ZNF99: variants seen among roughly 807,000 people sequenced by gnomAD.
The protein encoded by ZNF99 is zinc finger protein 99.
ZNF99 carries 8 observed loss-of-function variants against 12.8 expected under a neutral mutation model. The ratio of observed to expected loss-of-function variants is 0.62; its 90% CI spans 0.37 to 1.13. The LOEUF (loss-of-function observed/expected upper bound fraction) is 1.13, where lower values mean the gene tolerates loss of function less well. Among genes scored for constraint, ZNF99 ranks in the 50% most tolerant of loss-of-function variants. ZNF99 has a pLI of 0.02. For synonymous variants in ZNF99, 318 were observed against 319.0 expected (o/e 1.00, Z 0.03); for missense variants, 1,007 against 1,006.2 (o/e 1.00, Z -0.01).
At chr19:22,759,899 C>A (rs1973131844) in intron 3 of ZNF99, among the ~76,000 whole-genome samples, 1 of 152,076 alleles carries the variant, frequency 6.6e-6, no homozygotes, top group South Asian at 2.1e-4. Context: ...GTGTAGAGTG[C>A]CCCAAGTAAG....
In ZNF99 at chr19:22,756,032, C is replaced by T. The variant is rs1973045706; in HGVS notation, c.*1282G>A. On this transcript the variant is annotated 3_prime_UTR_variant, in exon 4 of 4. Transcript: ENST00000596209. ...GTTAAAGGCTTTGCCACATTCTTTA[C>T]ATTTGTGGGGTTTCTCTCCAGCATG... The T allele has an allele frequency of 9.5e-7, 1 of 1,057,608 alleles. No individual in the cohort carries two copies. Among genetic ancestry groups the T allele is most frequent in the Non-Finnish European group, 1.3e-6 (1 of 741,290 alleles). 65.5% of individuals were successfully genotyped at this position (1,057,608 alleles called of 1,614,324 possible). A position where few individuals can be genotyped will look rare whatever the true frequency, so the allele number is the denominator to read the frequency against.
chr19:22,757,913 T>G lies in ZNF99; in HGVS notation c.1996A>C (p.Arg666=). The stretch of plus-strand genomic sequence containing the variant: ...TCTTCAGTATGAATTACTTTATGTC[T>G]AGTAAGGTGTGAGGACCACTTAAAA... The part of the protein sequence containing the change: ...KAFKWSSHLT[R]HKVIHTEEKP... Residue 666 remains arginine (R), a synonymous_variant, in exon 4 of 4, where the codon AGA becomes CGA. Transcript: ENST00000596209. The G allele has an allele frequency of 2.5e-6, 4 of 1,611,904 alleles. No individual in the cohort carries two copies. The highest frequency in any genetic ancestry group is 2.5e-6 in the Non-Finnish European group (3 of 1,178,904).
In ZNF99 at chr19:22,756,556, T is replaced by G; in HGVS notation, c.*758A>C. ...ACATTTGTAGGGTTTCTCTCCAGTATGAATTGATTTATGTTTAGTAAGGTG... is the reference window on the plus strand; with the variant it reads ...ACATTTGTAGGGTTTCTCTCCAGTAGGAATTGATTTATGTTTAGTAAGGTG... On this transcript the variant is annotated 3_prime_UTR_variant, in exon 4 of 4. Transcript: ENST00000596209. 1.3e-6 allele frequency: 2 copies of G among 1,597,992 alleles called. No individual in the cohort carries two copies. Among genetic ancestry groups the G allele is most frequent in the Non-Finnish European group, 1.7e-6 (2 of 1,174,706 alleles).
Position 22,757,951 on chromosome 19 carries a change from T to G in ZNF99, c.1958A>C (p.Glu653Ala). Residue 653 changes from glutamate (E) to alanine (A), a missense_variant, in exon 4 of 4, where the codon GAA becomes GCA. Coordinates refer to ENST00000596209, the MANE Select transcript of ZNF99 (RefSeq NM_001080409.3). ...GGACCACTTAAAAGCTTTACCACAT[T>G]CTTCACATTTGTAGGGTTTCTCTCC... ...HTGEKPYKCE[E>A]CGKAFKWSSH... 1.2e-6 allele frequency: 2 copies of G among 1,613,502 alleles called. No homozygotes were observed. The highest frequency in any genetic ancestry group is 1.7e-6 in the Non-Finnish European group (2 of 1,179,760).
chr19:22,767,509 C>A (rs903505409), intron 3 of ZNF99, among the ~76,000 whole-genome samples: 1 of 151,758 alleles, frequency 6.6e-6, no homozygotes, highest in African/African-American at 2.4e-5. Context: ...AGTACTAGTA[C>A]AAGAAAAAGA....
At chr19:22,769,796 A>G in intron 1 of ZNF99, 1 of 1,133,522 alleles carries the variant, frequency 8.8e-7, no homozygotes, top group South Asian at 1.5e-5. Context: ...AAAAAGAAAT[A>G]TTCTCTAATG....
intron 1 of ZNF99, among the ~76,000 whole-genome samples, chr19:22,772,005 C>T (rs1015511137): frequency 2.0e-5 from 3 of 151,428 alleles, no homozygotes; most frequent in Admixed American, 6.6e-5. Flanking sequence ...CGTGAGCCAC[C>T]GCGCCCAGCC....
chr19:22,770,149 A>G (rs1568386281), intron 1 of ZNF99, among the ~76,000 whole-genome samples: 1 of 152,198 alleles, frequency 6.6e-6, no homozygotes, highest in Non-Finnish European at 1.5e-5. Context: ...TTAAATATTC[A>G]GCAAGTGGAG....
intron 3 of ZNF99, among the ~76,000 whole-genome samples, chr19:22,765,682 T>TAA (rs34984456): frequency 2.7e-5 from 4 of 147,594 alleles, no homozygotes; most frequent in South Asian, 4.3e-4. Flanking sequence ...CTAGCACAGT[T>TAA]AAAAAAAAAA....
Position 22,784,122 on chromosome 19 carries a change from G to A in ZNF99, c.-106C>T, listed in dbSNP as rs897902232. The A allele has an allele frequency of 3.5e-4, 463 of 1,332,340 alleles. No homozygotes were observed. Among genetic ancestry groups the A allele is most frequent in the Non-Finnish European group, 4.6e-4 (441 of 954,662 alleles). 82.5% of individuals were successfully genotyped at this position (1,332,340 alleles called of 1,614,324 possible). A position where few individuals can be genotyped will look rare whatever the true frequency, so the allele number is the denominator to read the frequency against. The stretch of plus-strand genomic sequence containing the variant: ...ACACAGAGCAGTAAAAACGAGATCC[G>A]GAGCTCCAGCTGGAACCAGAAACAA... On this transcript the variant is annotated 5_prime_UTR_variant, in exon 1 of 4. Transcript: ENST00000596209.
intron 1 of ZNF99, 133 bp from the exon 2 acceptor site, chr19:22,769,457 A>G: frequency 9.9e-7 from 1 of 1,014,036 alleles, no homozygotes; most frequent in Non-Finnish European, 1.4e-6. Flanking sequence ...CGTATTCAGT[A>G]AAATAATTTT....
At position 22,769,288 on chromosome 19, in the gene ZNF99, C is replaced by T. The variant is rs201519928; in HGVS notation, c.40G>A (p.Ala14Thr). Residue 14 changes from alanine to threonine, a missense_variant, in exon 2 of 4, where the codon GCT (alanine) becomes ACT (threonine). Ala to Thr is a moderately conservative substitution (Grantham distance 58). Coordinates refer to ENST00000596209, the MANE Select transcript of ZNF99 (RefSeq NM_001080409.3). ...TCCAGGCATTGCCACTCCTCCAGAG[C>T]GAATTCTATGGTCACATCCCAAAAT... ...LTFWDVTIEF[A>T]LEEWQCLDMA... 588 of 1,608,898 alleles carry T rather than the reference C, an allele frequency of 3.7e-4. No individual in the cohort carries two copies. In the African/African-American group the frequency reaches 6.7e-3, roughly 18 times the overall value.
intron 1 of ZNF99, chr19:22,774,020 G>A (rs1973299888): frequency 1.3e-5 from 2 of 153,798 alleles, no homozygotes; most frequent in African/African-American, 4.8e-5. Flanking sequence ...GACAGAGATA[G>A]CTCCAAAAGT....
chr19:22,774,903 A>G (rs1973309533), intron 1 of ZNF99, among the ~76,000 whole-genome samples: 1 of 152,100 alleles, frequency 6.6e-6, no homozygotes, highest in Admixed American at 6.6e-5. Context: ...AAGAAAACAA[A>G]AGTCAGAGAT....
chr19:22,770,688 T>A (rs1973258683), intron 1 of ZNF99: 1 of 152,206 alleles, frequency 6.6e-6, no homozygotes, highest in African/African-American at 2.4e-5. Flanking sequence ...ATCATTAACA[T>A]CAACTGCAGT....
rs113746486 is a variant in ZNF99 at position 22,775,842 on chromosome 19, G to A, written c.4-6518C>T. Reference sequence around the variant, plus strand: ...GAGTTCGAGACCAGCCTGGCCAAGAGGGTGAAACCCAGTCTTTACTAAAAA... The same window carrying A: ...GAGTTCGAGACCAGCCTGGCCAAGAAGGTGAAACCCAGTCTTTACTAAAAA... On this transcript the variant is annotated intron_variant, in intron 1 of 3. Coordinates refer to ENST00000596209, the MANE Select transcript of ZNF99 (RefSeq NM_001080409.3). Among the ~76,000 whole-genome samples the A allele has an allele frequency of 8.7e-3, 1,316 of 151,048 alleles. 18 individuals are homozygous for A. Among genetic ancestry groups the A allele is most frequent in the African/African-American group, 0.03 (1,251 of 41,174 alleles).
At position 22,756,083 on chromosome 19, in the gene ZNF99, G is replaced by T; in HGVS notation, c.*1231C>A. The T allele has an allele frequency of 7.0e-7, 1 of 1,423,568 alleles. No homozygotes were observed. Among genetic ancestry groups the T allele is most frequent in the Non-Finnish European group, 9.4e-7 (1 of 1,059,348 alleles). 88.2% of individuals were successfully genotyped at this position (1,423,568 alleles called of 1,614,324 possible). On this transcript the variant is annotated 3_prime_UTR_variant, in exon 4 of 4. Transcript: ENST00000596209. ...AATTGTTTTCTGCCTATTAAGGCTT[G>T]AGGACTGGTTAAAAGCTTTGCCACA...
chr19:22,769,790 A>T (rs1445555845), intron 1 of ZNF99: 10 of 1,121,800 alleles, frequency 8.9e-6, no homozygotes, highest in Non-Finnish European at 1.2e-5. Context: ...AAAGAAAAAA[A>T]GAAATATTCT....
At chr19:22,764,863 AG>A (rs1226050655) in intron 3 of ZNF99, among the ~76,000 whole-genome samples, 5 of 152,220 alleles carry the variant, frequency 3.3e-5, no homozygotes, top group African/African-American at 1.2e-4. Context: ...TGTGGTGATC[AG>A]GGAACACTTC....
Sources: gnomAD v4.1 joint callset for allele counts (sites outside exome capture counted in the v4.1 genomes callset) on GRCh38, gnomAD v4.1.1 for gene constraint, MANE v1.5 for transcripts, NCBI Gene and HGNC (gene_info 2026-07-23, HGNC 2026-07-21) for gene names.